The following CA3 variants were observed in gnomAD, a reference collection of about 807,000 sequenced individuals.
The protein encoded by CA3 is carbonic anhydrase 3.
Under a neutral mutation model 35.7 loss-of-function variants are expected in CA3, and 30 were observed. The observed-to-expected ratio is 0.84, with a 90% CI of 0.63 to 1.14. The LOEUF is 1.14. CA3 is among the 50% of genes most tolerant of loss of function. The pLI, the probability that CA3 is intolerant of heterozygous loss-of-function variation, is 0.00. For missense variants in CA3, 295 were observed against 328.5 expected, an observed-to-expected ratio of 0.90 and a Z score of 0.79; for synonymous variants, 131 against 130.8, an observed-to-expected ratio of 1.00 and a Z score of -0.01.
At chr8:85,442,732 A>G (rs942960135) in intron 3 of CA3, among the ~76,000 whole-genome samples, 1 of 152,056 alleles carries the variant, frequency 6.6e-6, no homozygotes, top group Non-Finnish European at 1.5e-5. Context: ...AAAACCCTAA[A>G]AGTTAGAAAT....
At chr8:85,439,188 G>T (rs1811171125) in intron 1 of CA3, among the ~76,000 whole-genome samples, 1 of 152,252 alleles carries the variant, frequency 6.6e-6, no homozygotes, top group East Asian at 1.9e-4. Flanking sequence ...AGAGAAGTTG[G>T]ATCACTTGCC....
Position 85,442,207 on chromosome 8 carries a change from A to G in CA3, c.351+16A>G, listed in dbSNP as rs533284713. The G allele has an allele frequency of 8.5e-6, 11 of 1,298,532 alleles. No homozygotes were observed. The highest frequency in any genetic ancestry group is 3.5e-5 in the South Asian group (3 of 84,740). 80.4% of individuals were successfully genotyped at this position (1,298,532 alleles called of 1,614,324 possible). ...TGCAGCGGAGGTAAGAGGAACTGCCATAATCCATTCTCGGTCTCATACAGT... is the reference window on the plus strand; with the variant it reads ...TGCAGCGGAGGTAAGAGGAACTGCCGTAATCCATTCTCGGTCTCATACAGT... On this transcript the variant is annotated intron_variant, in intron 3 of 6. Coordinates refer to ENST00000285381, the MANE Select transcript of CA3 (RefSeq NM_005181.4).
In CA3 at chr8:85,439,804, T is replaced by A. The variant is rs1811182465; in HGVS notation, c.127T>A (p.Ser43Thr). ...TACTAAAGACATCAGGCATGACCCT[T>A]CTCTGCAGCCATGGTCTGTGTCTTA... ...LHTKDIRHDP[S>T]LQPWSVSYDG... The change falls in exon 2 of 7, where the codon TCT (serine) becomes ACT (threonine). Residue 43 changes from serine to threonine, a missense_variant. By Grantham distance (58) the Ser-to-Thr change is moderately conservative. Transcript: ENST00000285381. The A allele has an allele frequency of 6.2e-7, 1 of 1,613,986 alleles. No individual in the cohort carries two copies. Among genetic ancestry groups the A allele is most frequent in the Non-Finnish European group, 8.5e-7 (1 of 1,179,908 alleles).
intron 5 of CA3, 142 bp from the exon 6 acceptor site, chr8:85,446,000 G>T: frequency 2.7e-6 from 2 of 751,778 alleles, no homozygotes; most frequent in Non-Finnish European, 4.1e-6. Context: ...CTTTATTTCT[G>T]AAAGGCTTAT....
At chr8:85,441,004 A>G (rs1811199279) in intron 2 of CA3, among the ~76,000 whole-genome samples, 1 of 152,206 alleles carries the variant, frequency 6.6e-6, no homozygotes, top group Admixed American at 6.5e-5. Context: ...GTTTCTTCTA[A>G]TAAATTGGAC....
At chr8:85,447,951 C>T (rs1811315233) in intron 6 of CA3, 83 bp from the exon 7 acceptor site, 1 of 1,288,148 alleles carries the variant, frequency 7.8e-7, no homozygotes. Context: ...AAAAAAACCC[C>T]AGCAGTATTT....
Position 85,439,878 on chromosome 8 carries a change from A to C in CA3, c.201A>C (p.Arg67=). Reference sequence around the variant, plus strand: ...TCCTGAATAATGGGAAGACCTGCCGAGTTGTATTTGATGATACTTATGATA... The same window carrying C: ...TCCTGAATAATGGGAAGACCTGCCGCGTTGTATTTGATGATACTTATGATA... The part of the protein sequence containing the change: ...KTILNNGKTC[R]VVFDDTYDRS... Residue 67 remains arginine (R), a synonymous_variant, in exon 2 of 7, where the codon CGA becomes CGC. Transcript: ENST00000285381. The C allele has an allele frequency of 6.2e-7, 1 of 1,613,542 alleles. No individual in the cohort carries two copies.
At chr8:85,439,375 A>G (rs114449093) in intron 1 of CA3, among the ~76,000 whole-genome samples, 138 of 152,302 alleles carry the variant, frequency 9.1e-4, no homozygotes, top group African/African-American at 3.1e-3. Flanking sequence ...TGAAACCCAC[A>G]ACACAATGCT....
intron 3 of CA3, 122 bp from the exon 4 acceptor site, chr8:85,443,912 C>T (rs1349188670): frequency 1.4e-6 from 1 of 693,212 alleles, no homozygotes; most frequent in Non-Finnish European, 2.5e-6. Flanking sequence ...CAAATTTTCT[C>T]AGCTTTTATG....
rs890361478 is a variant in CA3 at position 85,444,145 on chromosome 8, A to G, written c.444+19A>G. The stretch of plus-strand genomic sequence containing the variant: ...TCTGAAGGTAAAGTAAAAATTGACT[A>G]TATATTTTCTTCCAAAATGTATTTC... On this transcript the variant is annotated intron_variant, in intron 4 of 6. Coordinates refer to ENST00000285381, the MANE Select transcript of CA3 (RefSeq NM_005181.4). 1 of 1,520,030 alleles carries G rather than the reference A, an allele frequency of 6.6e-7. No homozygotes were observed. The highest frequency in any genetic ancestry group is 9.1e-7 in the Non-Finnish European group (1 of 1,095,224). The allele number at this position is 1,520,030 out of a possible 1,614,324, so 94.2% of individuals were successfully genotyped here.
chr8:85,442,133 G>A lies in CA3; in HGVS notation c.293G>A (p.Gly98Asp), dbSNP rs549992555. The A allele has an allele frequency of 6.2e-7, 1 of 1,612,034 alleles. No homozygotes were observed. The highest frequency in any genetic ancestry group is 8.5e-7 in the Non-Finnish European group (1 of 1,178,088). The stretch of plus-strand genomic sequence containing the variant: ...CTTCGCCAGTTTCATCTTCACTGGG[G>A]CTCTTCGGATGATCATGGCTCTGAG... ...YRLRQFHLHW[G>D]SSDDHGSEHT... is the part of the protein sequence containing the mutation. Residue 98 changes from glycine (G) to aspartate (D), a missense_variant, in exon 3 of 7, where the codon GGC becomes GAC. By Grantham distance (94) the Gly-to-Asp change is moderately conservative. Transcript: ENST00000285381.
In CA3 at chr8:85,448,034, A is replaced by T; in HGVS notation, c.664A>T (p.Met222Leu). Residue 222 changes from methionine to leucine, a missense_variant and splice_region_variant, in exon 7 of 7, where the codon ATG becomes TTG. Coordinates refer to ENST00000285381, the MANE Select transcript of CA3 (RefSeq NM_005181.4). ...AACAGTCTGCCCCTGCCCTTTGCAG[A>T]TGGCCAAGCTGCGGAGCCTCCTCTC... The part of the protein sequence containing the change: ...KEPMTVSSDQ[M>L]AKLRSLLSSA... The T allele has an allele frequency of 6.2e-7, 1 of 1,610,622 alleles. No individual in the cohort carries two copies. The highest frequency in any genetic ancestry group is 2.2e-5 in the East Asian group (1 of 44,806).
chr8:85,445,575 C>T (rs1811277040), intron 5 of CA3, among the ~76,000 whole-genome samples: 1 of 151,758 alleles, frequency 6.6e-6, no homozygotes, highest in African/African-American at 2.4e-5. Flanking sequence ...CATCACGGAG[C>T]TACTAAATGT....
chr8:85,442,947 C>T (rs1311218883), intron 3 of CA3, among the ~76,000 whole-genome samples: 1 of 152,188 alleles, frequency 6.6e-6, no homozygotes, highest in East Asian at 1.9e-4. Flanking sequence ...CTACCTGATA[C>T]AGACTGGCTT....
chr8:85,442,467 C>G, intron 3 of CA3: 1 of 290,824 alleles, frequency 3.4e-6, no homozygotes, highest in Non-Finnish European at 6.7e-6. Context: ...AATCTCAACA[C>G]TTTGGGAGGC....
chr8:85,444,554 C>G (rs899082105), intron 4 of CA3, among the ~76,000 whole-genome samples: 1 of 152,178 alleles, frequency 6.6e-6, no homozygotes, highest in African/African-American at 2.4e-5. Context: ...ATCCCCTCGG[C>G]TTGAGGTGGT....
chr8:85,441,975 T>C lies in CA3; in HGVS notation c.233-98T>C, dbSNP rs962807116. The C allele has an allele frequency of 1.6e-5, 12 of 750,840 alleles. No individual in the cohort carries two copies. In the African/African-American group the frequency reaches 1.9e-4, roughly 12 times the overall value. The allele number at this position is 750,840 out of a possible 1,614,324, so 46.5% of individuals were successfully genotyped here. Reference sequence around the variant, plus strand: ...CATCCACCCAGCAAACTGACCACATTTTGTCCATTAAGCCTTGGCTCTAAG... The same window carrying C: ...CATCCACCCAGCAAACTGACCACATCTTGTCCATTAAGCCTTGGCTCTAAG... On this transcript the variant is annotated intron_variant, in intron 2 of 6. Coordinates refer to ENST00000285381, the MANE Select transcript of CA3 (RefSeq NM_005181.4).
chr8:85,445,325 G>T, intron 5 of CA3, 107 bp downstream of exon 5: 1 of 666,416 alleles, frequency 1.5e-6, no homozygotes, highest in Non-Finnish European at 2.6e-6. Context: ...TAAGTTTGAT[G>T]GATATGCTAA....
At chr8:85,441,592 G>C (rs1242899852) in intron 2 of CA3, among the ~76,000 whole-genome samples, 1 of 152,200 alleles carries the variant, frequency 6.6e-6, no homozygotes, top group African/African-American at 2.4e-5. Flanking sequence ...CAGCAGCTCT[G>C]AAAGTTTGGT....
Sources: gnomAD v4.1 joint callset for allele counts (sites outside exome capture counted in the v4.1 genomes callset) on GRCh38, gnomAD v4.1.1 for gene constraint, MANE v1.5 for transcripts, NCBI Gene and HGNC (gene_info 2026-07-23, HGNC 2026-07-21) for gene names.